PCSK6: variants seen among roughly 807,000 people sequenced by gnomAD.
PCSK6 encodes proprotein convertase subtilisin/kexin type 6, also known as paired basic amino acid cleaving enzyme 4.
Under a neutral mutation model 123.3 loss-of-function variants are expected in PCSK6, and 85 were observed. That is an observed-to-expected ratio of 0.69 (90% CI 0.58 to 0.83). The LOEUF (loss-of-function observed/expected upper bound fraction) is 0.83. PCSK6 is among the 40% of genes least tolerant of loss of function. The pLI is 0.00. For missense variants in PCSK6, 1,191 were observed against 1,282.3 expected (o/e 0.93, Z 1.09); for synonymous variants, 508 against 516.0 (o/e 0.98, Z 0.21).
At chr15:101,458,169 T>A (rs560811146) in intron 1 of PCSK6, among the ~76,000 whole-genome samples, 2 of 152,206 alleles carry the variant, frequency 1.3e-5, no homozygotes, top group African/African-American at 4.8e-5. Flanking sequence ...TAAAGACCTA[T>A]GTGACTGCCA....
chr15:101,404,327 C>T (rs192075942), intron 6 of PCSK6, among the ~76,000 whole-genome samples: 71 of 152,302 alleles, frequency 4.7e-4, no homozygotes, highest in African/African-American at 1.4e-3. Context: ...TGGGCTGTGG[C>T]ATCAGCTCAC....
In PCSK6 at chr15:101,398,883, CTATTATTAT is replaced by C. The variant is rs199661913; in HGVS notation, c.824-316_824-308del. Among the ~76,000 whole-genome samples the C allele has an allele frequency of 6.6e-6, 1 of 150,596 alleles. No homozygotes were observed. Among genetic ancestry groups the C allele is most frequent in the Non-Finnish European group, 1.5e-5 (1 of 67,856 alleles). On this transcript the variant is annotated intron_variant, in intron 6 of 21. Coordinates refer to ENST00000611716, the MANE Select transcript of PCSK6 (RefSeq NM_002570.5). This position sits in a 1 kb window ranked among gnomAD's most constrained non-coding sequence, Gnocchi z 4.6. ...TGTTTTTTATTTTAAAAAACAAGACCTATTATTATTATTATTATTATTTATTATTATTAT... is the reference window on the plus strand; with the variant it reads ...TGTTTTTTATTTTAAAAAACAAGACCTATTATTATTATTTATTATTATTAT...
intron 19 of PCSK6, 54 bp downstream of exon 19, chr15:101,318,265 C>T: frequency 3.0e-6 from 4 of 1,317,002 alleles, no homozygotes; most frequent in Admixed American, 2.0e-5. Flanking sequence ...TTCAAGGCAG[C>T]TAGCCTACGC....
At chr15:101,329,917 C>T (rs78163721) in intron 15 of PCSK6, among the ~76,000 whole-genome samples, 3,937 of 152,314 alleles carry the variant, frequency 0.026, 153 homozygotes, top group African/African-American at 0.087. Flanking sequence ...CCTAAGCCCA[C>T]GGTGCCTGCA....
At chr15:101,463,210 G>T (rs533192488) in intron 1 of PCSK6, 3 of 430,878 alleles carry the variant, frequency 7.0e-6, no homozygotes, top group South Asian at 1.6e-5. Flanking sequence ...ACTGTGGGTC[G>T]GTTTTGGAAA....
rs368822674 is a variant in PCSK6, at chr15:101,382,107, G to A, written c.1517C>T (p.Ser506Leu). ...AGAGCCTTACCTGGGTCTCTTGTCCGAGGCGGCCACACACATGTGCTGCGA... is the reference window on the plus strand; with the variant it reads ...AGAGCCTTACCTGGGTCTCTTGTCCAAGGCGGCCACACACATGTGCTGCGA... ...VPSQHMCVAA[S>L]DKRPRSIPLV... Residue 506 changes from serine to leucine, a missense_variant, in exon 11 of 22, where the codon TCG becomes TTG. Transcript: ENST00000611716. The A allele has an allele frequency of 8.5e-4, 1,366 of 1,607,628 alleles. 9 individuals are homozygous for A. The highest frequency in any genetic ancestry group is 7.7e-3 in the South Asian group (688 of 89,438).
At chr15:101,388,167 A>C (rs1161492313) in intron 9 of PCSK6, among the ~76,000 whole-genome samples, 1 of 152,202 alleles carries the variant, frequency 6.6e-6, no homozygotes, top group African/African-American at 2.4e-5. Flanking sequence ...CACACAAGCA[A>C]CTCATTATGA....
chr15:101,358,160 C>T (rs1402389852), intron 13 of PCSK6, among the ~76,000 whole-genome samples: 1 of 152,222 alleles, frequency 6.6e-6, no homozygotes, highest in East Asian at 1.9e-4. Flanking sequence ...CAAGGCCAGC[C>T]CTGAGAAGTC....
At chr15:101,359,507 C>T (rs1052368473) in intron 13 of PCSK6, among the ~76,000 whole-genome samples, 1 of 152,238 alleles carries the variant, frequency 6.6e-6, no homozygotes, top group Non-Finnish European at 1.5e-5. Flanking sequence ...TCCGCCAACA[C>T]CTATTGGGCA....
At chr15:101,434,284 T>G (rs1395138064) in intron 2 of PCSK6, among the ~76,000 whole-genome samples, 1 of 152,190 alleles carries the variant, frequency 6.6e-6, no homozygotes, top group African/African-American at 2.4e-5. Context: ...GGCTGAGCCC[T>G]GTTTGTGCTA....
intron 1 of PCSK6, among the ~76,000 whole-genome samples, chr15:101,459,511 T>TC (rs2057288090): frequency 1.0e-5 from 1 of 95,474 alleles, no homozygotes; most frequent in Non-Finnish European, 2.0e-5. Context: ...ACCGTTCCCG[T>TC]CCCCCCACCC....
chr15:101,334,905 G>A lies in PCSK6; in HGVS notation c.1859-2874C>T, dbSNP rs376376235. ...GGGAGGAGGCTGGACTGGAATGGAA[G>A]AGAGACTTCATTATTATTACACTCT... On this transcript the variant is annotated intron_variant, in intron 13 of 21. Transcript: ENST00000611716. Among the ~76,000 whole-genome samples, 10 of 152,320 alleles carry A rather than the reference G, an allele frequency of 6.6e-5. No individual in the cohort carries two copies. In the East Asian group the frequency reaches 1.9e-3, roughly 29 times the overall value.
intron 1 of PCSK6, among the ~76,000 whole-genome samples, chr15:101,473,212 G>A (rs1219203469): frequency 6.6e-6 from 1 of 151,998 alleles, no homozygotes; most frequent in Non-Finnish European, 1.5e-5. Flanking sequence ...GAGTAGCTGG[G>A]ACTATAGGCA....
At chr15:101,414,452 T>A (rs1251885279) in intron 6 of PCSK6, among the ~76,000 whole-genome samples, 1 of 152,194 alleles carries the variant, frequency 6.6e-6, no homozygotes, top group East Asian at 1.9e-4. Context: ...GTAAACTTGT[T>A]AAAAATAATA....
In PCSK6 at chr15:101,341,406, C is replaced by A. The variant is rs533662428; in HGVS notation, c.1859-9375G>T. ...TAGGATTAGTAGTTGGGATTACAGG[C>A]GCCTGCCACCACGCCTGGCTAATTT... On this transcript the variant is annotated intron_variant, in intron 13 of 21. Coordinates refer to ENST00000611716, the MANE Select transcript of PCSK6 (RefSeq NM_002570.5). 1.4e-3 allele frequency among the ~76,000 whole-genome samples: 217 copies of A among 151,902 alleles called. 1 individual carries two copies. Among genetic ancestry groups the A allele is most frequent in the Middle Eastern group, 0.01 (3 of 292 alleles).
chr15:101,403,593 C>G (rs2042675880), intron 6 of PCSK6, among the ~76,000 whole-genome samples: 1 of 152,146 alleles, frequency 6.6e-6, no homozygotes, highest in Non-Finnish European at 1.5e-5. Flanking sequence ...AACCCTGCAG[C>G]CCAATGCAAG....
chr15:101,471,398 C>G (rs2057601318), intron 1 of PCSK6, among the ~76,000 whole-genome samples: 1 of 152,200 alleles, frequency 6.6e-6, no homozygotes, highest in Non-Finnish European at 1.5e-5. Context: ...TTCAAACATG[C>G]ACCAATGTTG....
chr15:101,443,264 C>G (rs2141152157), intron 2 of PCSK6, among the ~76,000 whole-genome samples: 1 of 152,312 alleles, frequency 6.6e-6, no homozygotes, highest in East Asian at 1.9e-4. Flanking sequence ...TCTCTAATTT[C>G]ATTATTAAAA....
intron 12 of PCSK6, among the ~76,000 whole-genome samples, chr15:101,367,333 G>T (rs2141456943): frequency 6.6e-6 from 1 of 152,194 alleles, no homozygotes; most frequent in South Asian, 2.1e-4. Flanking sequence ...CTCGATTTTG[G>T]AATAAACATT....
Sources: gnomAD v4.1 joint callset for allele counts (sites outside exome capture counted in the v4.1 genomes callset) on GRCh38, gnomAD v4.1.1 for gene constraint, Gnocchi (gnomAD v3.1) non-coding constraint, MANE v1.5 for transcripts, NCBI Gene and HGNC (gene_info 2026-07-23, HGNC 2026-07-21) for gene names.